Variants in ZNF117 observed in about 807,000 individuals in gnomAD.
ZNF117 encodes Krueppel-related zinc finger protein.
ZNF117 carries 37 observed loss-of-function variants against 41.2 expected under a neutral mutation model. The ratio of observed to expected loss-of-function variants is 0.90; its 90% CI spans 0.69 to 1.18. ZNF117 has a LOEUF of 1.18. Ranked by LOEUF, ZNF117 falls within the 50% of genes most tolerant of loss-of-function variation. The pLI is 0.00. For synonymous variants in ZNF117, 186 were observed against 186.6 expected (o/e 1.00, Z 0.02); for missense variants, 546 against 557.5 (o/e 0.98, Z 0.21).
rs10224831 is a variant in ZNF117, at chr7:64,977,086, T to C, written c.*1033A>G. On this transcript the variant is annotated 3_prime_UTR_variant, in exon 3 of 3. Transcript: ENST00000620222. ...TAGAGTTTCTCTCCAGTATGAATTA[T>C]ATTATGTATAGCAAGGTGTGAGAAC... The C allele has an allele frequency of 2.1e-3, 1,130 of 526,488 alleles. 4 individuals carry two copies. The highest frequency in any genetic ancestry group is 0.02 in the African/African-American group (1,011 of 51,796). 32.6% of individuals were successfully genotyped at this position (526,488 alleles called of 1,614,324 possible).
At chr7:64,986,537 C>T (rs969553880), upstream of ZNF117, among the ~76,000 whole-genome samples, 5 of 152,092 alleles carry the variant, frequency 3.3e-5, no homozygotes, top group East Asian at 3.9e-4. Context: ...TCTGGTGGAA[C>T]GTGTAAAGAT....
At chr7:64,985,950 C>CAAAAAAAAAAAAA (rs66524694), upstream of ZNF117, among the ~76,000 whole-genome samples, 1 of 82,174 alleles carries the variant, frequency 1.2e-5, no homozygotes, top group Non-Finnish European at 2.2e-5. Flanking sequence ...GACTCCATCT[C>CAAAAAAAAAAAAA]AAAAAAAAAA....
chr7:64,972,744 A>T (rs1234730745), downstream of ZNF117: 1 of 152,110 alleles, frequency 6.6e-6, no homozygotes, highest in Non-Finnish European at 1.5e-5. Flanking sequence ...TAGTGACTAC[A>T]GATCATAATA....
chr7:64,984,172 T>A (rs1786088228), upstream of ZNF117, among the ~76,000 whole-genome samples: 1 of 152,100 alleles, frequency 6.6e-6, no homozygotes, highest in African/African-American at 2.4e-5. Flanking sequence ...TGCTCTGTCA[T>A]CCAGGCTGGA....
exon 3 of ZNF117, chr7:64,977,820 GGTTTCTCTCCAA>G: frequency 1.9e-6 from 2 of 1,058,842 alleles, no homozygotes. Flanking sequence ...ACATTTGTAG[GGTTTCTCTCCAA>G]TATGAATTTT....
exon 2 of ZNF117, chr7:64,981,450 A>G (rs748421501): frequency 6.2e-7 from 1 of 1,612,054 alleles, no homozygotes; most frequent in East Asian, 2.2e-5. Context: ...TGCTCCAGAC[A>G]GGTAATCAGG....
exon 2 of ZNF117, chr7:64,981,400 T>G: frequency 6.2e-7 from 1 of 1,613,228 alleles, no homozygotes; most frequent in Non-Finnish European, 8.5e-7. Context: ...AATGTTTAGC[T>G]ACCATCTCAT....
chr7:64,987,147 C>T (rs1278853958), intron 1 of ZNF117, among the ~76,000 whole-genome samples: 5 of 152,110 alleles, frequency 3.3e-5, no homozygotes, highest in Admixed American at 6.6e-5. Context: ...AAGAAAACCA[C>T]TTGAAACCAT....
intron 1 of ZNF117, among the ~76,000 whole-genome samples, chr7:64,989,443 T>TTTTATATA (rs1786204976): frequency 2.0e-5 from 1 of 49,464 alleles, no homozygotes; most frequent in East Asian, 9.3e-4. Flanking sequence ...GAACTTAAAA[T>TTTTATATA]TATATATATA....
chr7:64,979,629 A>G, intron 2 of ZNF117, 93 bp from the exon 4 acceptor site: 2 of 1,012,476 alleles, frequency 2.0e-6, no homozygotes, highest in Non-Finnish European at 2.7e-6. Flanking sequence ...GAAACTACAT[A>G]AGCAAGATGG....
At chr7:64,982,557 G>T (rs1350886091), upstream of ZNF117, among the ~76,000 whole-genome samples, 1 of 152,100 alleles carries the variant, frequency 6.6e-6, no homozygotes, top group Non-Finnish European at 1.5e-5. Context: ...AGAAGATCTG[G>T]AACAGTCTGA....
upstream of ZNF117, among the ~76,000 whole-genome samples, chr7:64,984,766 CA>C (rs560396363): frequency 1.3e-4 from 20 of 152,066 alleles, no homozygotes; most frequent in South Asian, 3.3e-3. Context: ...GTTTATATTT[CA>C]AAAGTATGAA....
upstream of ZNF117, among the ~76,000 whole-genome samples, chr7:64,983,659 C>T (rs893605330): frequency 6.6e-6 from 1 of 152,152 alleles, no homozygotes; most frequent in African/African-American, 2.4e-5. Flanking sequence ...ACAAATTACA[C>T]CTGCATGCTG....
intron 1 of ZNF117, among the ~76,000 whole-genome samples, chr7:64,987,273 G>T (rs1256305838): frequency 1.3e-5 from 2 of 152,196 alleles, no homozygotes; most frequent in Non-Finnish European, 1.5e-5. Context: ...CAACATACCA[G>T]AATCTCTGCA....
In ZNF117 at chr7:64,979,506, CA is replaced by C; in HGVS notation, c.64del (p.Trp22GlyfsTer6). 6.5e-7 allele frequency: 1 copy of C among 1,527,098 alleles called. No individual in the cohort carries two copies. The allele number at this position is 1,527,098 out of a possible 1,614,324, so 94.6% of individuals were successfully genotyped here. A position where few individuals can be genotyped will look rare whatever the true frequency, so the allele number is the denominator to read the frequency against. On this transcript the variant is annotated frameshift_variant, in exon 3 of 3. Transcript: ENST00000620222. LOFTEE classifies it high-confidence loss of function. ...AGAATCTCTTATGTTCTGCTCTGGCCAAAGGTGTTGGGCAAAATAATAAAAC... is the reference window on the plus strand; with the variant it reads ...AGAATCTCTTATGTTCTGCTCTGGCCAAGGTGTTGGGCAAAATAATAAAAC...
chr7:64,977,059 T>C (rs1277172046), exon 3 of ZNF117: 13 of 533,796 alleles, frequency 2.4e-5, no homozygotes, highest in Admixed American at 2.0e-5. Context: ...TCTTCACATT[T>C]GTAGAGTTTC....
exon 3 of ZNF117, chr7:64,978,030 G>T: frequency 1.4e-6 from 2 of 1,406,454 alleles, no homozygotes; most frequent in Non-Finnish European, 9.8e-7. Context: ...AGTAAGGGTT[G>T]AGAAATGGTT....
upstream of ZNF117, among the ~76,000 whole-genome samples, chr7:64,982,707 T>G (rs894100224): frequency 6.6e-6 from 1 of 152,164 alleles, no homozygotes; most frequent in Non-Finnish European, 1.5e-5. Context: ...ACAGCTTTCA[T>G]TTTCCTAAGG....
chr7:64,975,108 ATTAAATAGTACATTGTTACTATCTT>A, exon 3 of ZNF117: 1 of 151,968 alleles, frequency 6.6e-6, no homozygotes, highest in East Asian at 1.9e-4. Context: ...CCACTCTGTT[ATTAAATAGTACATTGTTACTATCTT>A]TTACCAACAC....
Sources: gnomAD v4.1 joint callset for allele counts (sites outside exome capture counted in the v4.1 genomes callset) on GRCh38, gnomAD v4.1.1 for gene constraint, MANE v1.5 for transcripts, NCBI Gene and HGNC (gene_info 2026-07-23, HGNC 2026-07-21) for gene names.